Variants in JARID2 observed in about 807,000 individuals in gnomAD.
The protein encoded by JARID2 is protein Jumonji.
Under a neutral mutation model 125.6 loss-of-function variants are expected in JARID2, and 21 were observed. The ratio of observed to expected loss-of-function variants is 0.17; its 90% confidence interval spans 0.12 to 0.24. The LOEUF is 0.24. Among genes scored for constraint, JARID2 ranks in the 10% least tolerant of loss-of-function variants. The pLI, the probability that JARID2 is intolerant of heterozygous loss-of-function variation, is 1.00. For synonymous variants in JARID2, 736 were observed against 661.6 expected, an observed-to-expected ratio of 1.11 and a Z score of -1.73; for missense variants, 1,303 against 1,639.6, an observed-to-expected ratio of 0.79 and a Z score of 3.55.
chr6:15,360,089 G>T (rs1210590686), intron 1 of JARID2, among the ~76,000 whole-genome samples: 1 of 152,070 alleles, frequency 6.6e-6, no homozygotes, highest in Non-Finnish European at 1.5e-5. Context: ...TTCAGAGAAT[G>T]GCTCTTGAGT....
At chr6:15,285,367 C>A (rs557695010) in intron 1 of JARID2, among the ~76,000 whole-genome samples, 1 of 152,036 alleles carries the variant, frequency 6.6e-6, no homozygotes, top group Non-Finnish European at 1.5e-5. Flanking sequence ...TCAGGTGATC[C>A]GCCTGCCTCG....
intron 2 of JARID2, among the ~76,000 whole-genome samples, chr6:15,406,801 G>A (rs6907768): frequency 1 from 152,098 of 152,308 alleles, 75,944 homozygotes; most frequent in Middle Eastern, 1. Context: ...GTGAGAGGGT[G>A]GTTGGGGAGA....
intron 2 of JARID2, among the ~76,000 whole-genome samples, chr6:15,399,398 A>C (rs1243229302): frequency 1.3e-5 from 2 of 152,186 alleles, no homozygotes; most frequent in Non-Finnish European, 2.9e-5. Flanking sequence ...GAATTGTAGT[A>C]GAGTATCTCT....
rs767659043 is a variant in JARID2 at position 15,507,264 on chromosome 6, G to T, written c.2660+10G>T. The T allele has an allele frequency of 7.5e-6, 12 of 1,603,284 alleles. 1 individual carries two copies. Among genetic ancestry groups the T allele is most frequent in the Middle Eastern group, 1.7e-4 (1 of 6,040 alleles). On this transcript the variant is annotated intron_variant, in intron 10 of 17. Coordinates refer to ENST00000341776, the MANE Select transcript of JARID2 (RefSeq NM_004973.4). ...CAGAACCCTTTTCGAGGTAACCTGG[G>T]ATTCTCTCGTCCAGGTTCTTGGGGA...
rs1030623792 is a variant in JARID2 at position 15,423,547 on chromosome 6, C to G, written c.323+13182C>G. 2.6e-5 allele frequency among the ~76,000 whole-genome samples: 4 copies of G among 152,188 alleles called. No homozygotes were observed. The South Asian group carries it at 8.3e-4, about 32-fold the overall frequency. ...CAAAGACAGGCTGGTATTTTAAGTTCACTTTTATGGGTCATGTGTGGGTAG... is the reference window on the plus strand; with the variant it reads ...CAAAGACAGGCTGGTATTTTAAGTTGACTTTTATGGGTCATGTGTGGGTAG... On this transcript the variant is annotated intron_variant, in intron 3 of 17. Coordinates refer to ENST00000341776, the MANE Select transcript of JARID2 (RefSeq NM_004973.4).
At chr6:15,422,823 T>G (rs1369033607) in intron 3 of JARID2, among the ~76,000 whole-genome samples, 1 of 152,192 alleles carries the variant, frequency 6.6e-6, no homozygotes, top group Non-Finnish European at 1.5e-5. Flanking sequence ...ACTGCTTATG[T>G]GACTCTGTTT....
intron 3 of JARID2, among the ~76,000 whole-genome samples, chr6:15,451,214 T>G (rs940008352): frequency 3.9e-5 from 6 of 152,204 alleles, no homozygotes; most frequent in African/African-American, 1.2e-4. Flanking sequence ...GAAAGGAATT[T>G]CTACGTAAGA....
intron 6 of JARID2, among the ~76,000 whole-genome samples, chr6:15,492,471 A>G (rs2237122): frequency 0.75 from 113,990 of 152,050 alleles, 42,786 homozygotes; most frequent in Middle Eastern, 0.81. Flanking sequence ...ACCTTCGGTA[A>G]CAAGGTAAGA....
intron 1 of JARID2, among the ~76,000 whole-genome samples, chr6:15,366,261 T>A (rs1715823518): frequency 1.3e-5 from 2 of 152,124 alleles, no homozygotes; most frequent in Non-Finnish European, 2.9e-5. Context: ...TCATTTATCC[T>A]TGGGAGGAGG....
chr6:15,465,996 G>A (rs1234379508), intron 4 of JARID2, among the ~76,000 whole-genome samples: 1 of 151,984 alleles, frequency 6.6e-6, no homozygotes, highest in Non-Finnish European at 1.5e-5. Context: ...TAGAGACGGG[G>A]TTTCACCATA....
chr6:15,332,891 T>TAATCCTC (rs1762753863), intron 1 of JARID2, among the ~76,000 whole-genome samples: 1 of 151,598 alleles, frequency 6.6e-6, no homozygotes. Context: ...TATAGAAATG[T>TAATCCTC]AATCCTCACA....
intron 1 of JARID2, among the ~76,000 whole-genome samples, chr6:15,266,458 C>T (rs1473420905): frequency 6.6e-6 from 1 of 152,178 alleles, no homozygotes; most frequent in Admixed American, 6.5e-5. Context: ...CATATCCTCT[C>T]CCGCTGGGGG....
At chr6:15,381,386 C>T (rs960819806) in intron 2 of JARID2, among the ~76,000 whole-genome samples, 8 of 150,684 alleles carry the variant, frequency 5.3e-5, no homozygotes, top group African/African-American at 9.7e-5. Flanking sequence ...TCAGCTTTAC[C>T]GAAGTGTTGA....
intron 1 of JARID2, among the ~76,000 whole-genome samples, chr6:15,332,851 C>T (rs573830752): frequency 8.3e-4 from 126 of 150,960 alleles, no homozygotes; most frequent in Non-Finnish European, 1.5e-3. Context: ...TTCCCGTATT[C>T]TTCTGTTATT....
At chr6:15,344,304 A>G (rs1158047893) in intron 1 of JARID2, among the ~76,000 whole-genome samples, 2 of 151,908 alleles carry the variant, frequency 1.3e-5, no homozygotes, top group Non-Finnish European at 2.9e-5. Context: ...TGTTCCATGT[A>G]ACTTAGATAA....
At chr6:15,359,501 T>C (rs181590163) in intron 1 of JARID2, among the ~76,000 whole-genome samples, 1 of 152,232 alleles carries the variant, frequency 6.6e-6, no homozygotes, top group Admixed American at 6.5e-5. Flanking sequence ...CATGACTATA[T>C]TTTTAGCTAC....
At chr6:15,500,660 C>T (rs1467633155) in intron 7 of JARID2, among the ~76,000 whole-genome samples, 1 of 152,160 alleles carries the variant, frequency 6.6e-6, no homozygotes, top group African/African-American at 2.4e-5. Context: ...GCTGCCTCCT[C>T]AGACGCTCCC....
chr6:15,362,941 C>A (rs1271470049), intron 1 of JARID2, among the ~76,000 whole-genome samples: 1 of 152,134 alleles, frequency 6.6e-6, no homozygotes, highest in African/African-American at 2.4e-5. Flanking sequence ...GTTTCGGTTT[C>A]TAGACCAGAG....
chr6:15,291,849 A>C (rs1012003132), intron 1 of JARID2, among the ~76,000 whole-genome samples: 1 of 152,038 alleles, frequency 6.6e-6, no homozygotes, highest in Non-Finnish European at 1.5e-5. Context: ...TTGTACTCCT[A>C]CTGTATATAC....
Sources: allele counts gnomAD v4.1 joint callset (sites outside exome capture counted in the v4.1 genomes callset), GRCh38; gene constraint gnomAD v4.1.1; transcripts MANE v1.5; gene names NCBI Gene and HGNC (gene_info 2026-07-23, HGNC 2026-07-21).